PARD3: variants seen among roughly 807,000 people sequenced by gnomAD.
PARD3 encodes partitioning defective 3 homolog.
In PARD3, 75 loss-of-function variants were observed where a neutral mutation model predicts 155.4. That is an observed-to-expected ratio of 0.48 (90% confidence interval 0.40 to 0.58). The LOEUF (loss-of-function observed/expected upper bound fraction) is 0.58, where lower values mean the gene tolerates loss of function less well. Ranked by LOEUF, PARD3 falls within the 20% of genes least tolerant of loss-of-function variation. PARD3 has a pLI of 0.00. For missense variants in PARD3, 1,642 were observed against 1,721.7 expected (o/e 0.95, Z 0.82); for synonymous variants, 576 against 610.5 (o/e 0.94, Z 0.83).
At chr10:34,304,027 C>T (rs1488987396) in intron 20 of PARD3, among the ~76,000 whole-genome samples, 1 of 152,030 alleles carries the variant, frequency 6.6e-6, no homozygotes, top group East Asian at 1.9e-4. Flanking sequence ...CAGCACAGAG[C>T]CACCTAGAAG....
intron 22 of PARD3, among the ~76,000 whole-genome samples, chr10:34,167,379 C>T (rs566073089): frequency 3.3e-5 from 5 of 152,056 alleles, no homozygotes; most frequent in East Asian, 1.9e-4. Context: ...ACACCATACA[C>T]AATTAGTCTG....
chr10:34,272,720 T>G (rs1237824457), intron 21 of PARD3, among the ~76,000 whole-genome samples: 1 of 152,060 alleles, frequency 6.6e-6, no homozygotes, highest in Non-Finnish European at 1.5e-5. Flanking sequence ...AGCAAGATCC[T>G]GACTCAAACA....
At chr10:34,222,653 A>C (rs1486583641) in intron 22 of PARD3, among the ~76,000 whole-genome samples, 1 of 152,228 alleles carries the variant, frequency 6.6e-6, no homozygotes, top group East Asian at 1.9e-4. Flanking sequence ...CCCAAGGTCC[A>C]GAAAGCACTT....
At chr10:34,366,733 T>G (rs1386807279) in intron 12 of PARD3, among the ~76,000 whole-genome samples, 3 of 152,122 alleles carry the variant, frequency 2.0e-5, no homozygotes, top group Non-Finnish European at 4.4e-5. Context: ...AATGGAGAAA[T>G]TATCATGGTT....
intron 1 of PARD3, among the ~76,000 whole-genome samples, chr10:34,753,125 C>T (rs1399257624): frequency 1.3e-5 from 2 of 152,186 alleles, no homozygotes; most frequent in Non-Finnish European, 2.9e-5. Context: ...AAAAGCACCT[C>T]GATTCTCCAG....
chr10:34,307,780 A>C (rs1262256488), intron 20 of PARD3, among the ~76,000 whole-genome samples: 2 of 152,188 alleles, frequency 1.3e-5, no homozygotes, highest in Non-Finnish European at 2.9e-5. Context: ...CTGGGCACTG[A>C]TGATGGACGC....
At chr10:34,674,478 A>ATTTTTTTTTTTTTTTTTTTTTT (rs11402018) in intron 2 of PARD3, among the ~76,000 whole-genome samples, 1 of 79,528 alleles carries the variant, frequency 1.3e-5, no homozygotes, top group Admixed American at 1.6e-4. Flanking sequence ...CACGCTCTTG[A>ATTTTTTTTTTTTTTTTTTTTTT]TTTTTTTTTT....
chr10:34,795,809 G>A (rs368303047), intron 1 of PARD3, among the ~76,000 whole-genome samples: 3 of 151,872 alleles, frequency 2.0e-5, no homozygotes, highest in African/African-American at 4.8e-5. Context: ...CAGGAGAATC[G>A]CTTGAACCCA....
At chr10:34,436,617 G>A (rs1225046645) in intron 5 of PARD3, among the ~76,000 whole-genome samples, 1 of 152,104 alleles carries the variant, frequency 6.6e-6, no homozygotes, top group Non-Finnish European at 1.5e-5. Context: ...ATACTTCTGT[G>A]AGAAACTCAA....
intron 2 of PARD3, among the ~76,000 whole-genome samples, chr10:34,584,600 T>A (rs1217298156): frequency 6.6e-6 from 1 of 152,168 alleles, no homozygotes; most frequent in East Asian, 1.9e-4. Flanking sequence ...ATAATTCACA[T>A]GAAAACAAAC....
At chr10:34,482,053 G>C (rs867744327) in intron 3 of PARD3, among the ~76,000 whole-genome samples, 1 of 30,042 alleles carries the variant, frequency 3.3e-5, no homozygotes, top group African/African-American at 3.0e-4. Flanking sequence ...TTTTTTTTTT[G>C]AAGCAGCATC....
intron 12 of PARD3, 141 bp from the exon 13 acceptor site, chr10:34,360,400 A>G: frequency 1.7e-6 from 1 of 603,842 alleles, no homozygotes; most frequent in Non-Finnish European, 2.9e-6. Flanking sequence ...GATCCATGAA[A>G]ACACTACATC....
At chr10:34,779,102 G>C (rs1176268877) in intron 1 of PARD3, among the ~76,000 whole-genome samples, 1 of 152,086 alleles carries the variant, frequency 6.6e-6, no homozygotes, top group East Asian at 1.9e-4. Context: ...CTTGGGGTCA[G>C]GAGCTCAAGA....
chr10:34,696,722 T>C lies in PARD3; in HGVS notation c.121-303A>G, dbSNP rs184766758. On this transcript the variant is annotated intron_variant, in intron 1 of 24. Transcript: ENST00000374788. ...TAATACTGATTTCTCTAAAGCATAC[T>C]AGATTTCCTATTGCCCAATATATGA... 1.5e-4 allele frequency among the ~76,000 whole-genome samples: 22 copies of C among 150,466 alleles called. No homozygotes were observed. In the East Asian group the frequency reaches 3.5e-3, roughly 24 times the overall value.
At chr10:34,330,513 A>G (rs78540090) in intron 19 of PARD3, among the ~76,000 whole-genome samples, 4 of 152,096 alleles carry the variant, frequency 2.6e-5, no homozygotes, top group African/African-American at 9.7e-5. Flanking sequence ...GAAAAAAAAA[A>G]TGTTTTTAAG....
intron 21 of PARD3, among the ~76,000 whole-genome samples, chr10:34,281,758 G>A (rs1956169551): frequency 6.6e-6 from 1 of 152,088 alleles, no homozygotes; most frequent in African/African-American, 2.4e-5. Context: ...CAATATTCAA[G>A]ATTCCCAGAT....
intron 5 of PARD3, chr10:34,426,598 A>G (rs2075618791): frequency 6.6e-6 from 1 of 152,246 alleles, no homozygotes; most frequent in African/African-American, 2.4e-5. Flanking sequence ...ATATTTCTAA[A>G]TAATAGTACC....
chr10:34,548,121 T>C (rs2084249397), intron 2 of PARD3, among the ~76,000 whole-genome samples: 1 of 152,230 alleles, frequency 6.6e-6, no homozygotes, highest in Non-Finnish European at 1.5e-5. Flanking sequence ...CTCCATTTTC[T>C]GTAGGTCACA....
At chr10:34,580,285 G>A (rs2087316859) in intron 2 of PARD3, among the ~76,000 whole-genome samples, 2 of 152,016 alleles carry the variant, frequency 1.3e-5, no homozygotes, top group African/African-American at 2.4e-5. Flanking sequence ...TGCAATCCCA[G>A]CATTTTGGGA....
Sources: allele counts gnomAD v4.1 joint callset (sites outside exome capture counted in the v4.1 genomes callset), GRCh38; gene constraint gnomAD v4.1.1; transcripts MANE v1.5; gene names NCBI Gene and HGNC (gene_info 2026-07-23, HGNC 2026-07-21).